TECPR1: variants seen among roughly 807,000 people sequenced by gnomAD.
TECPR1 encodes tectonin beta-propeller repeat-containing protein 1.
A neutral mutation model predicts 162.4 loss-of-function variants in TECPR1; 122 were observed. That is an observed-to-expected ratio of 0.75 (90% confidence interval 0.65 to 0.87). The LOEUF (loss-of-function observed/expected upper bound fraction) is 0.87, where lower values mean the gene tolerates loss of function less well. Among genes scored for constraint, TECPR1 ranks in the 40% least tolerant of loss-of-function variants. The probability of loss-of-function intolerance (pLI) is 0.00; values close to 1 mark genes in which losing one functional copy is unlikely to be tolerated. For missense variants in TECPR1, 1,432 were observed against 1,618.2 expected (o/e 0.88, Z 1.97); for synonymous variants, 642 against 670.6 (o/e 0.96, Z 0.66).
At chr7:98,219,627 C>T (rs958752178) in intron 23 of TECPR1, among the ~76,000 whole-genome samples, 13 of 152,356 alleles carry the variant, frequency 8.5e-5, no homozygotes, top group Admixed American at 5.2e-4. Flanking sequence ...TGCGGCTGGG[C>T]GCGGTGGCTC....
At position 98,233,628 on chromosome 7, in the gene TECPR1, T is replaced by G. The variant is rs771567753; in HGVS notation, c.1465A>C (p.Asn489His). Reference sequence around the variant, plus strand: ...TTCTTGGCCTCCTTGAGGTCAATATTGGTCCAGGGCAGCTCGGCCGGGGTG... The same window carrying G: ...TTCTTGGCCTCCTTGAGGTCAATATGGGTCCAGGGCAGCTCGGCCGGGGTG... ...APTPAELPWT[N>H]IDLKEAKKVP... Residue 489 changes from asparagine (N) to histidine (H), a missense_variant, in exon 11 of 26, where the codon AAT becomes CAT. Coordinates refer to ENST00000447648, the MANE Select transcript of TECPR1 (RefSeq NM_015395.3). The G allele has an allele frequency of 6.3e-7, 1 of 1,588,594 alleles. No individual in the cohort carries two copies. Among genetic ancestry groups the G allele is most frequent in the Admixed American group, 1.8e-5 (1 of 56,372 alleles).
Position 98,246,139 on chromosome 7 carries a change from T to G in TECPR1, c.8A>C (p.Asn3Thr), listed in dbSNP as rs752384848. 6.5e-6 allele frequency: 10 copies of G among 1,544,280 alleles called. No homozygotes were observed. In the African/African-American group the frequency reaches 1.2e-4, roughly 19 times the overall value. The change falls in exon 3 of 26, where the codon AAC becomes ACC. Residue 3 changes from asparagine (N) to threonine (T), a missense_variant. Asn to Thr is a moderately conservative substitution (Grantham distance 65). Coordinates refer to ENST00000447648, the MANE Select transcript of TECPR1 (RefSeq NM_015395.3). The stretch of plus-strand genomic sequence containing the variant: ...GAGGTCCACCGCCCACAGCACTGAG[T>G]TGGGCATGGCAGCGGCTGGAGGTAA... MP[N>T]SVLWAVDLFG...
In TECPR1 at chr7:98,232,007, C is replaced by A; in HGVS notation, c.1819-48G>T. Reference sequence around the variant, plus strand: ...CACCATCACAGGCAGGCCCGGGGTGCCAGGGGAGGAGGGCGGGGCTGGGGG... The same window carrying A: ...CACCATCACAGGCAGGCCCGGGGTGACAGGGGAGGAGGGCGGGGCTGGGGG... On this transcript the variant is annotated intron_variant, in intron 12 of 25. Transcript: ENST00000447648. The surrounding 1 kb of genome is among the most constrained non-coding windows in gnomAD (Gnocchi z 4.6). 1 of 1,552,774 alleles carries A rather than the reference C, an allele frequency of 6.4e-7. No homozygotes were observed. The highest frequency in any genetic ancestry group is 8.7e-7 in the Non-Finnish European group (1 of 1,151,678).
intron 23 of TECPR1, among the ~76,000 whole-genome samples, chr7:98,218,367 C>A (rs983882489): frequency 6.6e-6 from 1 of 152,124 alleles, no homozygotes; most frequent in Non-Finnish European, 1.5e-5. Context: ...GAAGTCCTAG[C>A]CAGAGCAATC....
intron 21 of TECPR1, 53 bp from the exon 22 acceptor site, chr7:98,222,574 C>T: frequency 6.5e-7 from 1 of 1,537,820 alleles, no homozygotes; most frequent in Non-Finnish European, 8.8e-7. Flanking sequence ...ACCCCCAGGG[C>T]CCCACCTCCA....
chr7:98,245,107 C>A, intron 3 of TECPR1, 40 bp from the exon 4 acceptor site: 1 of 1,551,988 alleles, frequency 6.4e-7, no homozygotes, highest in East Asian at 2.4e-5. Context: ...GGACCCAAGC[C>A]TGCTGGGCGG....
chr7:98,251,237 G>A (rs888021817), intron 2 of TECPR1, 157 bp downstream of exon 2: 3 of 152,110 alleles, frequency 2.0e-5, no homozygotes, highest in African/African-American at 7.2e-5. Flanking sequence ...GTCTTTCCAC[G>A]AAGAAGGTCT....
chr7:98,251,666 G>T (rs1215339569), intron 1 of TECPR1, 118 bp from the exon 2 acceptor site: 1 of 152,320 alleles, frequency 6.6e-6, no homozygotes, highest in East Asian at 1.9e-4. Flanking sequence ...GTTCAGCCCA[G>T]TGCTGTGCAC....
At chr7:98,233,951 G>A (rs1451588446) in intron 10 of TECPR1, 40 bp from the exon 11 acceptor site, 1 of 1,471,852 alleles carries the variant, frequency 6.8e-7, no homozygotes, top group East Asian at 2.5e-5. Context: ...TCCCTTGCAG[G>A]GGAACAGGCG....
At position 98,244,620 on chromosome 7, in the gene TECPR1, C is replaced by T. The variant is rs761555359; in HGVS notation, c.482G>A (p.Arg161Gln). The change falls in exon 5 of 26, where the codon CGG becomes CAG. Residue 161 changes from arginine to glutamine, a missense_variant. Physicochemically the swap from Arg to Gln is conservative, Grantham distance 43 (BLOSUM62 1). Transcript: ENST00000447648. ...DKKWNSCVRRRKWIRYRRYKS... is the reference protein window; with the variant it reads ...DKKWNSCVRRQKWIRYRRYKS... Reference sequence around the variant, plus strand: ...GTATCTCCTGTACCGGATCCACTTCCGGCGCCGCACACAAGAATTCCACTT... The same window carrying T: ...GTATCTCCTGTACCGGATCCACTTCTGGCGCCGCACACAAGAATTCCACTT... The T allele has an allele frequency of 8.1e-6, 13 of 1,612,964 alleles. No individual in the cohort carries two copies. The highest frequency in any genetic ancestry group is 2.2e-5 in the East Asian group (1 of 44,886).
chr7:98,241,582 G>A lies in TECPR1; in HGVS notation c.658-338C>T, dbSNP rs1383513294. ...GTGGCGATGTGCTCTCAGGACACCCGGCTCCAGGGGAGGCTCCAACTCCCA... is the reference window on the plus strand; with the variant it reads ...GTGGCGATGTGCTCTCAGGACACCCAGCTCCAGGGGAGGCTCCAACTCCCA... On this transcript the variant is annotated intron_variant, in intron 6 of 25. Transcript: ENST00000447648. This position sits in a 1 kb window ranked among gnomAD's most constrained non-coding sequence, Gnocchi z 5.0. Among the ~76,000 whole-genome samples, 1 of 152,158 alleles carries A rather than the reference G, an allele frequency of 6.6e-6. No individual in the cohort carries two copies. The highest frequency in any genetic ancestry group is 1.5e-5 in the Non-Finnish European group (1 of 68,032).
In TECPR1 at chr7:98,232,385, C is replaced by T. The variant is rs1053365234; in HGVS notation, c.1819-426G>A. ...ACTTCCCTGTCACCCCCACACTTGACCTCTGAGGGCCGGGCTCTGCCACAG... is the reference window on the plus strand; with the variant it reads ...ACTTCCCTGTCACCCCCACACTTGATCTCTGAGGGCCGGGCTCTGCCACAG... On this transcript the variant is annotated intron_variant, in intron 12 of 25. Transcript: ENST00000447648. This position sits in a 1 kb window ranked among gnomAD's most constrained non-coding sequence, Gnocchi z 4.6. Among the ~76,000 whole-genome samples, 1 of 152,092 alleles carries T rather than the reference C, an allele frequency of 6.6e-6. No individual in the cohort carries two copies. The highest frequency in any genetic ancestry group is 1.5e-5 in the Non-Finnish European group (1 of 68,008).
intron 17 of TECPR1, among the ~76,000 whole-genome samples, chr7:98,226,135 C>T (rs1798274544): frequency 6.6e-6 from 1 of 152,178 alleles, no homozygotes; most frequent in South Asian, 2.1e-4. Flanking sequence ...CCCTGCCCTG[C>T]CCTGCCCTGT....
intron 17 of TECPR1, among the ~76,000 whole-genome samples, chr7:98,226,262 G>A (rs932920213): frequency 6.6e-6 from 1 of 152,226 alleles, no homozygotes; most frequent in African/African-American, 2.4e-5. Context: ...ATATTTTGGC[G>A]ATGTGTGCCA....
chr7:98,226,204 G>A (rs983609918), intron 17 of TECPR1, among the ~76,000 whole-genome samples: 2 of 152,204 alleles, frequency 1.3e-5, no homozygotes, highest in Non-Finnish European at 2.9e-5. Context: ...GTGCTGCCAG[G>A]CTGTGTGGAC....
In TECPR1 at chr7:98,235,675, C is replaced by T. The variant is rs559601827; in HGVS notation, c.1181+1101G>A. On this transcript the variant is annotated intron_variant, in intron 10 of 25. Transcript: ENST00000447648. ...GGAAACCCTGTCTCTACTAAAAATA[C>T]AAGAATTAGCCAGGTGTGGTGGTGA... Among the ~76,000 whole-genome samples the T allele has an allele frequency of 5.9e-4, 87 of 148,382 alleles. No individual in the cohort carries two copies. In the South Asian group the frequency reaches 0.018, roughly 31 times the overall value.
intron 4 of TECPR1, 45 bp from the exon 5 acceptor site, chr7:98,244,738 T>A (rs1019438046): frequency 1.1e-5 from 17 of 1,589,450 alleles, no homozygotes; most frequent in African/African-American, 1.3e-5. Context: ...GGGGAAGGCA[T>A]TTGAAGAGCT....
chr7:98,237,123 C>G (rs1584346478), intron 9 of TECPR1, among the ~76,000 whole-genome samples: 2 of 151,958 alleles, frequency 1.3e-5, no homozygotes, highest in Admixed American at 1.3e-4. Context: ...GGTCCCGTCT[C>G]CCTGACCTCA....
rs746985805 is a variant in TECPR1 at position 98,229,111 on chromosome 7, C to T, written c.2338G>A (p.Val780Met). 12 of 1,573,068 alleles carry T rather than the reference C, an allele frequency of 7.6e-6. No individual in the cohort carries two copies. The highest frequency in any genetic ancestry group is 2.3e-5 in the South Asian group (2 of 85,720). ...TGGTCATAGCCGATGCCCCACACCA[C>T]GCCCCGGCTGTTGGCCTCCACCATC... Reference protein sequence around the residue: ...LRMVEANSRGVVWGIGYDHTA... With the variant: ...LRMVEANSRGMVWGIGYDHTA... The change falls in exon 16 of 26, where the codon GTG (valine) becomes ATG (methionine). Residue 780 changes from valine (V) to methionine (M), a missense_variant. Val to Met is a conservative substitution (Grantham distance 21, BLOSUM62 1). Transcript: ENST00000447648.
Sources: gnomAD v4.1 joint callset for allele counts (sites outside exome capture counted in the v4.1 genomes callset) on GRCh38, gnomAD v4.1.1 for gene constraint, Gnocchi (gnomAD v3.1) non-coding constraint, MANE v1.5 for transcripts, NCBI Gene and HGNC (gene_info 2026-07-23, HGNC 2026-07-21) for gene names.